Variants in EMP2 observed in about 807,000 individuals in gnomAD.
EMP2 encodes epithelial membrane protein 2.
In EMP2, 19 loss-of-function variants were observed where a neutral mutation model predicts 13.7. That is an observed-to-expected ratio of 1.38 (90% CI 0.97 to 2.03). The LOEUF is 2.03. Among genes scored for constraint, EMP2 ranks in the 30% most tolerant of loss-of-function variants. The pLI is 0.00. For synonymous variants in EMP2, 97 were observed against 84.7 expected (o/e 1.15, Z -0.80); for missense variants, 253 against 220.7 (o/e 1.15, Z -0.93).
chr16:10,538,397 A>G (rs1213846563), intron 3 of EMP2, among the ~76,000 whole-genome samples: 1 of 152,164 alleles, frequency 6.6e-6, no homozygotes, highest in African/African-American at 2.4e-5. Flanking sequence ...CTTTTGAAGG[A>G]CAAACCTCAG....
intron 1 of EMP2, among the ~76,000 whole-genome samples, chr16:10,579,966 C>T (rs1245043400): frequency 6.6e-6 from 1 of 152,210 alleles, no homozygotes; most frequent in Non-Finnish European, 1.5e-5. Flanking sequence ...GGTCTCGCCT[C>T]TTTAAAGCCC....
At chr16:10,550,670 T>C (rs148513004) in intron 1 of EMP2, among the ~76,000 whole-genome samples, 2 of 152,150 alleles carry the variant, frequency 1.3e-5, no homozygotes, top group Non-Finnish European at 2.9e-5. Flanking sequence ...ATTTCCCCTT[T>C]GTCATTAAAA....
chr16:10,543,734 A>G, intron 2 of EMP2, 74 bp from the exon 3 acceptor site: 1 of 1,431,272 alleles, frequency 7.0e-7, no homozygotes, highest in Non-Finnish European at 9.9e-7. Flanking sequence ...ATTAGGCACG[A>G]GGCATGGTGG....
At chr16:10,560,995 A>T (rs1304787476) in intron 1 of EMP2, among the ~76,000 whole-genome samples, 1 of 152,138 alleles carries the variant, frequency 6.6e-6, no homozygotes, top group Non-Finnish European at 1.5e-5. Flanking sequence ...TCTAGAAGAA[A>T]ACCATTCCAC....
chr16:10,572,298 A>C (rs1255304403), intron 1 of EMP2, among the ~76,000 whole-genome samples: 1 of 151,826 alleles, frequency 6.6e-6, no homozygotes, highest in Non-Finnish European at 1.5e-5. Flanking sequence ...CTCTACAAAA[A>C]ATTTAAAAAT....
chr16:10,542,385 G>A (rs2050706872), intron 3 of EMP2, among the ~76,000 whole-genome samples: 1 of 152,028 alleles, frequency 6.6e-6, no homozygotes, highest in Non-Finnish European at 1.5e-5. Flanking sequence ...GTGACAGAGT[G>A]AGACCCTGTC....
chr16:10,572,931 C>G (rs1385317014), intron 1 of EMP2, among the ~76,000 whole-genome samples: 4 of 152,202 alleles, frequency 2.6e-5, no homozygotes. Context: ...ATTCCAAAGA[C>G]AAATGTCCAC....
At chr16:10,535,964 T>C (rs1191213815) in intron 4 of EMP2, among the ~76,000 whole-genome samples, 1 of 152,110 alleles carries the variant, frequency 6.6e-6, no homozygotes, top group East Asian at 1.9e-4. Flanking sequence ...CAGATGCTGA[T>C]TCAAGAGGGC....
intron 1 of EMP2, among the ~76,000 whole-genome samples, chr16:10,563,308 C>T (rs2050885494): frequency 6.6e-6 from 1 of 152,204 alleles, no homozygotes; most frequent in Non-Finnish European, 1.5e-5. Context: ...TCTCCTGCCT[C>T]AGTCTCCCAA....
At chr16:10,537,878 G>A (rs772432809) in intron 4 of EMP2, 50 bp downstream of exon 4, 1 of 1,599,716 alleles carries the variant, frequency 6.3e-7, no homozygotes, top group Non-Finnish European at 8.6e-7. Flanking sequence ...TGGGAAGGGA[G>A]TGCTTATTCC....
intron 1 of EMP2, among the ~76,000 whole-genome samples, chr16:10,567,886 G>A (rs137895981): frequency 6.6e-6 from 1 of 152,308 alleles, no homozygotes; most frequent in East Asian, 1.9e-4. Flanking sequence ...GTCTGCTTGG[G>A]TTCACTGCAA....
In EMP2 at chr16:10,537,196, G is replaced by A. The variant is rs569158132; in HGVS notation, c.316+732C>T. On this transcript the variant is annotated intron_variant, in intron 4 of 4. Coordinates refer to ENST00000359543, the MANE Select transcript of EMP2 (RefSeq NM_001424.6). ...TTTTGTCATCAGAAAGCTTTAAATC[G>A]TCACTGAGAAACAACAAATGATCAT... 1.4e-4 allele frequency among the ~76,000 whole-genome samples: 22 copies of A among 152,290 alleles called. No individual in the cohort carries two copies. The South Asian group carries it at 2.9e-3, about 20-fold the overall frequency.
At position 10,531,748 on chromosome 16, in the gene EMP2, G is replaced by GATGA. The variant is rs111364972; in HGVS notation, c.*1153_*1156dup. 7,002 of 151,912 alleles carry GATGA rather than the reference G, an allele frequency of 0.046. 184 individuals are homozygous for GATGA. Among genetic ancestry groups the GATGA allele is most frequent in the Non-Finnish European group, 0.05 (3,408 of 67,788 alleles). 9.4% of individuals were successfully genotyped at this position (151,912 alleles called of 1,614,324 possible). On this transcript the variant is annotated 3_prime_UTR_variant, in exon 5 of 5. Transcript: ENST00000359543. The stretch of plus-strand genomic sequence containing the variant: ...ATGCATGCAAGTTATGATTTATGTT[G>GATGA]ATGAATGAATGAATGAATGAATGAA...
intron 3 of EMP2, among the ~76,000 whole-genome samples, 189 bp from the exon 4 acceptor site, chr16:10,538,263 C>T (rs779197644): frequency 5.3e-5 from 8 of 152,198 alleles, no homozygotes; most frequent in Non-Finnish European, 8.8e-5. Context: ...CCCTCACCTC[C>T]AGTGTCCATT....
rs1363103170 is a variant in EMP2 at position 10,531,631 on chromosome 16, G to A, written c.*1274C>T. The A allele has an allele frequency of 6.6e-6, 1 of 152,314 alleles. No homozygotes were observed. The highest frequency in any genetic ancestry group is 6.6e-5 in the Admixed American group (1 of 15,256). 9.4% of individuals were successfully genotyped at this position (152,314 alleles called of 1,614,324 possible). A position where few individuals can be genotyped will look rare whatever the true frequency, so the allele number is the denominator to read the frequency against. On this transcript the variant is annotated 3_prime_UTR_variant, in exon 5 of 5. Coordinates refer to ENST00000359543, the MANE Select transcript of EMP2 (RefSeq NM_001424.6). ...AAGCATGAGCCACTGTACCCAGCCA[G>A]TTTTTCTAATTAAGTTTTAATCTGT...
At chr16:10,535,549 T>C (rs1175342128) in intron 4 of EMP2, among the ~76,000 whole-genome samples, 1 of 152,000 alleles carries the variant, frequency 6.6e-6, no homozygotes, top group Non-Finnish European at 1.5e-5. Context: ...TGAAACCCCA[T>C]CTCTACAAAA....
At chr16:10,568,547 A>C (rs1026083290) in intron 1 of EMP2, among the ~76,000 whole-genome samples, 6 of 152,076 alleles carry the variant, frequency 3.9e-5, no homozygotes, top group African/African-American at 1.4e-4. Context: ...CTAACACACC[A>C]GTGATTGAAG....
At chr16:10,574,565 ATTTTT>A (rs34505451) in intron 1 of EMP2, among the ~76,000 whole-genome samples, 1 of 145,642 alleles carries the variant, frequency 6.9e-6, no homozygotes, top group Non-Finnish European at 1.5e-5. Flanking sequence ...AAAATTATAC[ATTTTT>A]TTTTTTGAGA....
At chr16:10,547,399 G>C in intron 2 of EMP2, 141 bp downstream of exon 2, 2 of 878,732 alleles carry the variant, frequency 2.3e-6, no homozygotes, top group Non-Finnish European at 3.4e-6. Context: ...GGAATTGTGA[G>C]TCCATTAGAC....
Sources: allele counts gnomAD v4.1 joint callset (sites outside exome capture counted in the v4.1 genomes callset), GRCh38; gene constraint gnomAD v4.1.1; transcripts MANE v1.5; gene names NCBI Gene and HGNC (gene_info 2026-07-23, HGNC 2026-07-21).